Variants in E4F1 observed in about 807,000 individuals in gnomAD.
E4F1 encodes the protein E4F transcription factor 1.
E4F1 carries 30 observed loss-of-function variants against 72.9 expected under a neutral mutation model. That is an observed-to-expected ratio of 0.41 (90% CI 0.31 to 0.56). The LOEUF (loss-of-function observed/expected upper bound fraction) is 0.56, where lower values mean the gene tolerates loss of function less well. E4F1 is among the 20% of genes least tolerant of loss of function. E4F1 has a pLI of 0.25. For synonymous variants in E4F1, 542 were observed against 478.2 expected, an observed-to-expected ratio of 1.13 and a Z score of -1.74; for missense variants, 1,091 against 1,117.5, an observed-to-expected ratio of 0.98 and a Z score of 0.34.
intron 1 of E4F1, 48 bp downstream of exon 1, chr16:2,223,818 C>T: frequency 6.5e-7 from 1 of 1,534,370 alleles, no homozygotes; most frequent in Non-Finnish European, 8.7e-7. Context: ...GGCAGTTCAT[C>T]CCGGGCTGGC....
intron 3 of E4F1, 25 bp from the exon 4 acceptor site, chr16:2,232,146 G>C: frequency 6.2e-7 from 1 of 1,606,348 alleles, no homozygotes; most frequent in Non-Finnish European, 8.5e-7. Flanking sequence ...AGGTCCTGGG[G>C]CTTAGGCCCA....
rs1441406736 is a variant in E4F1 at position 2,233,156 on chromosome 16, C to T, written c.1029C>T (p.Ser343=). 1 of 1,609,344 alleles carries T rather than the reference C, an allele frequency of 6.2e-7. No homozygotes were observed. Among genetic ancestry groups the T allele is most frequent in the Admixed American group, 1.7e-5 (1 of 59,838 alleles). The part of the protein sequence containing the change: ...HEVHVQMQEL[S]LGMKALAPEP... ...TCCACGTCCAGATGCAGGAGCTGTC[C>T]CTGGGCATGAAAGCCCTGGCCCCAG... is the stretch of plus-strand genomic sequence containing the variant. The change falls in exon 7 of 14, where the codon TCC becomes TCT. Residue 343 remains serine (S), a synonymous_variant. Transcript: ENST00000301727.
rs767987855 is a variant in E4F1, at chr16:2,232,297, A to G, written c.542A>G (p.Gln181Arg). 1.9e-6 allele frequency: 3 copies of G among 1,611,434 alleles called. No individual in the cohort carries two copies. In the South Asian group the frequency reaches 3.3e-5, roughly 18 times the overall value. Residue 181 changes from glutamine to arginine, a missense_variant, in exon 4 of 14, where the codon CAG (glutamine) becomes CGG (arginine). Around this residue, in one of 5 missense-constraint regions of E4F1, gnomAD observed 362 missense variants for 358.6 expected, o/e 1.01. Coordinates refer to ENST00000301727, the MANE Select transcript of E4F1 (RefSeq NM_004424.5). ...LGLAGEGEQA[Q>R]VKLLVNKDGR... ...CTCGCAGGGGAGGGTGAGCAGGCCC[A>G]GGTGAAGCTACTGGTGAACAAGGAT...
chr16:2,234,007 T>G lies in E4F1; in HGVS notation c.1375+17T>G, dbSNP rs1465577088. 2 of 1,572,118 alleles carry G rather than the reference T, an allele frequency of 1.3e-6. No individual in the cohort carries two copies. Among genetic ancestry groups the G allele is most frequent in the Non-Finnish European group, 1.7e-6 (2 of 1,158,386 alleles). ...GCCACACCGGTAGGTGATGGGTGGG[T>G]GTGTGGCCCATGGCAGTGGATGGGC... On this transcript the variant is annotated intron_variant, in intron 9 of 13. Coordinates refer to ENST00000301727, the MANE Select transcript of E4F1 (RefSeq NM_004424.5).
At chr16:2,231,880 G>C (rs1451300818) in intron 3 of E4F1, 11 of 404,242 alleles carry the variant, frequency 2.7e-5, no homozygotes, top group Middle Eastern at 6.5e-4. Context: ...TCCTGGCTTT[G>C]GGGATGGGGC....
chr16:2,232,342 T>C lies in E4F1; in HGVS notation c.587T>C (p.Leu196Pro). 1.2e-6 allele frequency: 2 copies of C among 1,605,360 alleles called. No individual in the cohort carries two copies. The highest frequency in any genetic ancestry group is 2.2e-5 in the East Asian group (1 of 44,750). The change falls in exon 4 of 14, where the codon CTG becomes CCG. Residue 196 changes from leucine (L) to proline (P), a missense_variant. Leu to Pro is a moderately conservative substitution (Grantham distance 98, BLOSUM62 -3). Transcript: ENST00000301727. Reference sequence around the variant, plus strand: ...AAGGATGGCCGCTATGTGTGTGCGCTGTGCCACAAGACCTTCAAGACGGTG... The same window carrying C: ...AAGGATGGCCGCTATGTGTGTGCGCCGTGCCACAAGACCTTCAAGACGGTG... ...VNKDGRYVCA[L>P]CHKTFKTGSI...
chr16:2,235,559 C>T lies in E4F1; in HGVS notation c.2342C>T (p.Thr781Met), dbSNP rs1449412297. 4.4e-6 allele frequency: 7 copies of T among 1,595,770 alleles called. No individual in the cohort carries two copies. The highest frequency in any genetic ancestry group is 6.0e-6 in the Non-Finnish European group (7 of 1,168,654). Residue 781 changes from threonine (T) to methionine (M), a missense_variant, in exon 14 of 14, where the codon ACG (threonine) becomes ATG (methionine). Transcript: ENST00000301727. ...CCGGAGGGCCAGCTGGAGGTGCAGA[C>T]GGTCATCGTCTAGCATGAGGTCTGC... Reference protein sequence around the residue: ...ASPEGQLEVQTVIV With the variant: ...ASPEGQLEVQMVIV
chr16:2,226,827 G>GTCCGGCACAGCAATGGTGACGGGC (rs1383086924), intron 1 of E4F1, among the ~76,000 whole-genome samples: 1 of 152,204 alleles, frequency 6.6e-6, no homozygotes, highest in Non-Finnish European at 1.5e-5. Flanking sequence ...CACGACCGGG[G>GTCCGGCACAGCAATGGTGACGGGC]TCCGGCACAG....
intron 11 of E4F1, 36 bp downstream of exon 11, chr16:2,234,817 G>A (rs1434499235): frequency 2.6e-6 from 4 of 1,543,588 alleles, no homozygotes; most frequent in Non-Finnish European, 3.5e-6. Flanking sequence ...GGAGGGGAGG[G>A]GGCCGGGGCT....
chr16:2,232,710 G>A lies in E4F1; in HGVS notation c.731-46G>A, dbSNP rs757045675. 2.3e-5 allele frequency: 37 copies of A among 1,610,092 alleles called. No individual in the cohort carries two copies. The East Asian group carries it at 2.9e-4, about 13-fold the overall frequency. On this transcript the variant is annotated intron_variant, in intron 5 of 13. Transcript: ENST00000301727. ...CCTGCCTTCGCCTTGTCACCTTGTC[G>A]CCAGCCTGCTGGGGCTGCCCGGGGC...
In E4F1 at chr16:2,234,195, A is replaced by T; in HGVS notation, c.1400A>T (p.Gln467Leu). 6.2e-7 allele frequency: 1 copy of T among 1,612,494 alleles called. No homozygotes were observed. Among genetic ancestry groups the T allele is most frequent in the Non-Finnish European group, 8.5e-7 (1 of 1,179,888 alleles). ...GGGCCGAGGCCGTTCGCCTGCGCGCAGTGTGGCAAGGCCTTCCCCAAGGCC... is the reference window on the plus strand; with the variant it reads ...GGGCCGAGGCCGTTCGCCTGCGCGCTGTGTGGCAAGGCCTTCCCCAAGGCC... ...HTGPRPFACA[Q>L]CGKAFPKAYL... Residue 467 changes from glutamine to leucine, a missense_variant, in exon 10 of 14, where the codon CAG becomes CTG. By Grantham distance (113) the Gln-to-Leu change is moderately radical. This residue lies in a region of E4F1 where 622 missense variants were observed against 628.0 expected (regional missense o/e 0.99). Transcript: ENST00000301727.
intron 3 of E4F1, chr16:2,230,353 A>G (rs2093459969): frequency 6.5e-6 from 1 of 153,486 alleles, no homozygotes; most frequent in Non-Finnish European, 1.4e-5. Flanking sequence ...GCAGGGGGGC[A>G]TTCAGAGGCA....
At chr16:2,229,220 T>C (rs2093450950) in intron 2 of E4F1, among the ~76,000 whole-genome samples, 1 of 152,170 alleles carries the variant, frequency 6.6e-6, no homozygotes, top group Non-Finnish European at 1.5e-5. Context: ...CTCTGCCGGA[T>C]GTGGCGGGCT....
At chr16:2,229,723 G>A in intron 3 of E4F1, 48 bp downstream of exon 3, 2 of 1,597,854 alleles carry the variant, frequency 1.3e-6, no homozygotes, top group Non-Finnish European at 1.7e-6. Flanking sequence ...TTCGTGGTTG[G>A]GGCCAGAGGA....
At position 2,233,077 on chromosome 16, in the gene E4F1, C is replaced by T; in HGVS notation, c.950C>T (p.Thr317Ile). ...TCGGTGACAGGCGAGCCTATAGAGA[C>T]TTCACCCGTGATTCACCTGGTGACA... ...TSSVTGEPIE[T>I]SPVIHLVTDA... The change falls in exon 7 of 14, where the codon ACT (threonine) becomes ATT (isoleucine). Residue 317 changes from threonine to isoleucine, a missense_variant. This residue lies in a region of E4F1 where 101 missense variants were observed against 97.4 expected (regional missense o/e 1.04). Transcript: ENST00000301727. 1 of 1,612,734 alleles carries T rather than the reference C, an allele frequency of 6.2e-7. No individual in the cohort carries two copies. The highest frequency in any genetic ancestry group is 1.1e-5 in the South Asian group (1 of 91,074).
chr16:2,228,257 T>G, intron 1 of E4F1, 115 bp from the exon 2 acceptor site: 1 of 1,399,588 alleles, frequency 7.1e-7, no homozygotes, highest in Non-Finnish European at 9.9e-7. Context: ...GAAGTAGCTC[T>G]GCTTCTGATG....
intron 9 of E4F1, 47 bp from the exon 10 acceptor site, chr16:2,234,124 C>T (rs750233058): frequency 8.2e-6 from 13 of 1,593,674 alleles, no homozygotes; most frequent in African/African-American, 6.7e-5. Flanking sequence ...GGCGGCCTGG[C>T]GGGCCCGCGG....
chr16:2,227,343 G>A (rs1242928386), intron 1 of E4F1, among the ~76,000 whole-genome samples: 3 of 152,014 alleles, frequency 2.0e-5, no homozygotes, highest in Admixed American at 6.6e-5. Context: ...TCGAATAGCT[G>A]GGATTACAGG....
chr16:2,224,027 G>A, intron 1 of E4F1: 2 of 1,393,584 alleles, frequency 1.4e-6, no homozygotes, highest in South Asian at 2.9e-5. Flanking sequence ...GAGCCCCCGG[G>A]CGCCCGGTGT....
Sources: gnomAD v4.1 joint callset for allele counts (sites outside exome capture counted in the v4.1 genomes callset) on GRCh38, gnomAD v4.1.1 for gene constraint, gnomAD v4.1.1 regional missense constraint, MANE v1.5 for transcripts, NCBI Gene and HGNC (gene_info 2026-07-23, HGNC 2026-07-21) for gene names.